The following NTMT1 variants were observed in gnomAD, a reference collection of about 807,000 sequenced individuals.
NTMT1 encodes the protein N-terminal Xaa-Pro-Lys N-methyltransferase 1.
In NTMT1, 8 loss-of-function variants were observed where a neutral mutation model predicts 17.5. The ratio of observed to expected loss-of-function variants is 0.46; its 90% CI spans 0.27 to 0.82. The LOEUF is 0.82. Among genes scored for constraint, NTMT1 ranks in the 40% least tolerant of loss-of-function variants. NTMT1 has a pLI of 0.15. For missense variants in NTMT1, 221 were observed against 303.5 expected (o/e 0.73, Z 2.02); for synonymous variants, 128 against 126.8 (o/e 1.01, Z -0.06).
In NTMT1 at chr9:129,620,633, T is replaced by A; in HGVS notation, c.-55+11455T>A. On this transcript the variant is annotated intron_variant, in intron 1 of 3. Coordinates refer to the NTMT1 transcript ENST00000372486. This position sits in a 1 kb window ranked among gnomAD's most constrained non-coding sequence, Gnocchi z 5.8. ...GCGCGCGTGGGTGGGGGGCGCCGGC[T>A]GAGGTGGGGAGGGCATAGTCCAGCC... is the stretch of plus-strand genomic sequence containing the variant. 1 of 1,274,722 alleles carries A rather than the reference T, an allele frequency of 7.8e-7. No homozygotes were observed. The highest frequency in any genetic ancestry group is 9.9e-7 in the Non-Finnish European group (1 of 1,009,496). The allele number at this position is 1,274,722 out of a possible 1,614,324, so 79.0% of individuals were successfully genotyped here.
chr9:129,631,097 CCTCT>C (rs904533894), intron 1 of NTMT1, among the ~76,000 whole-genome samples: 29 of 152,348 alleles, frequency 1.9e-4, no homozygotes, highest in African/African-American at 6.0e-4. Context: ...ACGGCTGCTC[CCTCT>C]GTCTGCCCCA....
chr9:129,612,647 G>A (rs1312932515), intron 1 of NTMT1, among the ~76,000 whole-genome samples: 2 of 152,240 alleles, frequency 1.3e-5, no homozygotes, highest in Admixed American at 6.5e-5. Context: ...GGAGGCCAAG[G>A]CGGACAGATC....
In NTMT1 at chr9:129,620,091, A is replaced by C; in HGVS notation, c.-55+10913A>C. The C allele has an allele frequency of 6.9e-7, 1 of 1,450,050 alleles. No homozygotes were observed. Among genetic ancestry groups the C allele is most frequent in the South Asian group, 1.5e-5 (1 of 67,938 alleles). The allele number at this position is 1,450,050 out of a possible 1,614,324, so 89.8% of individuals were successfully genotyped here. ...CTCAGTGGCTCCGGCTCCTCGGCGCACTTCTCCTGGAGCTGGTGCAGGAAC... is the reference window on the plus strand; with the variant it reads ...CTCAGTGGCTCCGGCTCCTCGGCGCCCTTCTCCTGGAGCTGGTGCAGGAAC... On this transcript the variant is annotated intron_variant, in intron 1 of 3. Coordinates refer to the NTMT1 transcript ENST00000372486. The surrounding 1 kb of genome is among the most constrained non-coding windows in gnomAD (Gnocchi z 5.8).
rs1193235895 is a variant in NTMT1, at chr9:129,620,071, T to C, written c.-55+10893T>C. On this transcript the variant is annotated intron_variant, in intron 1 of 3. Transcript: ENST00000372486. The surrounding 1 kb of genome is among the most constrained non-coding windows in gnomAD (Gnocchi z 5.8). Reference sequence around the variant, plus strand: ...CCGGGCCCCGCGGGGCCTCACTCAGTGGCTCCGGCTCCTCGGCGCACTTCT... The same window carrying C: ...CCGGGCCCCGCGGGGCCTCACTCAGCGGCTCCGGCTCCTCGGCGCACTTCT... 32 of 1,449,474 alleles carry C rather than the reference T, an allele frequency of 2.2e-5. No individual in the cohort carries two copies. The highest frequency in any genetic ancestry group is 2.9e-5 in the Non-Finnish European group (32 of 1,099,320). The allele number at this position is 1,449,474 out of a possible 1,614,324, so 89.8% of individuals were successfully genotyped here.
In NTMT1 at chr9:129,620,437, C is replaced by T; in HGVS notation, c.-55+11259C>T. On this transcript the variant is annotated intron_variant, in intron 1 of 3. Transcript: ENST00000372486. The surrounding 1 kb of genome is among the most constrained non-coding windows in gnomAD (Gnocchi z 5.8). ...GGATCCTCCAGTCCCCGGAGCCCCGCGCGCCCAGAGCCGCTCGGAGCGCGG... is the reference window on the plus strand; with the variant it reads ...GGATCCTCCAGTCCCCGGAGCCCCGTGCGCCCAGAGCCGCTCGGAGCGCGG... 1.6e-6 allele frequency: 2 copies of T among 1,270,040 alleles called. No individual in the cohort carries two copies. Among genetic ancestry groups the T allele is most frequent in the Non-Finnish European group, 2.0e-6 (2 of 1,007,704 alleles). The allele number at this position is 1,270,040 out of a possible 1,614,324, so 78.7% of individuals were successfully genotyped here. A position where few individuals can be genotyped will look rare whatever the true frequency, so the allele number is the denominator to read the frequency against.
chr9:129,616,056 T>G (rs918657988), intron 1 of NTMT1, among the ~76,000 whole-genome samples: 16 of 152,164 alleles, frequency 1.1e-4, no homozygotes, highest in African/African-American at 3.4e-4. Context: ...CAGTCCTGGG[T>G]TTCATTCCTG....
exon 1 of NTMT1, chr9:129,608,968 G>A (rs1203354758): frequency 2.6e-5 from 4 of 152,342 alleles, no homozygotes; most frequent in African/African-American, 9.6e-5. Flanking sequence ...CCGTGAAGAG[G>A]TGCTGAGTGC....
intron 1 of NTMT1, among the ~76,000 whole-genome samples, chr9:129,610,413 C>T (rs1016043539): frequency 2.6e-5 from 4 of 151,792 alleles, no homozygotes; most frequent in Non-Finnish European, 4.4e-5. Flanking sequence ...CTTCAGTGCT[C>T]GGCGCTGCCG....
upstream of NTMT1, among the ~76,000 whole-genome samples, chr9:129,623,439 C>G (rs1243443370): frequency 2.6e-5 from 4 of 152,198 alleles, no homozygotes; most frequent in Non-Finnish European, 5.9e-5. Flanking sequence ...GGAGAAGTGT[C>G]TTCTTTCTCA....
intron 3 of NTMT1, chr9:129,634,950 A>T: frequency 2.0e-6 from 1 of 500,142 alleles, no homozygotes; most frequent in African/African-American, 1.9e-5. Context: ...TGTAGGTATC[A>T]GGCAGGACTT....
intron 1 of NTMT1, among the ~76,000 whole-genome samples, chr9:129,618,643 A>C (rs1830507749): frequency 6.6e-6 from 1 of 152,096 alleles, no homozygotes; most frequent in Non-Finnish European, 1.5e-5. Flanking sequence ...GGATCAATGG[A>C]TGGATGGATA....
chr9:129,613,414 T>C lies in NTMT1; in HGVS notation c.-55+4236T>C. ...GCCCTGGCAATGTCCACGAGTCCCA[T>C]CCGCTTCCCTGGAGCCTCACAGGCC... is the stretch of plus-strand genomic sequence containing the variant. On this transcript the variant is annotated intron_variant, in intron 1 of 3. Transcript: ENST00000372486. This position sits in a 1 kb window ranked among gnomAD's most constrained non-coding sequence, Gnocchi z 6.2. 3 of 1,611,110 alleles carry C rather than the reference T, an allele frequency of 1.9e-6. No homozygotes were observed. Among genetic ancestry groups the C allele is most frequent in the Non-Finnish European group, 2.5e-6 (3 of 1,178,088 alleles).
At position 129,620,339 on chromosome 9, in the gene NTMT1, C is replaced by A; in HGVS notation, c.-55+11161C>A. The A allele has an allele frequency of 3.3e-6, 4 of 1,230,352 alleles. No individual in the cohort carries two copies. Among genetic ancestry groups the A allele is most frequent in the Non-Finnish European group, 4.1e-6 (4 of 986,446 alleles). The allele number at this position is 1,230,352 out of a possible 1,614,324, so 76.2% of individuals were successfully genotyped here. Reference sequence around the variant, plus strand: ...GGTCGCGGTGAGCAAGGCGGGCAGGCGCGGCGGGAGGCGTCCGACGCCCAC... The same window carrying A: ...GGTCGCGGTGAGCAAGGCGGGCAGGAGCGGCGGGAGGCGTCCGACGCCCAC... On this transcript the variant is annotated intron_variant, in intron 1 of 3. Coordinates refer to the NTMT1 transcript ENST00000372486. The surrounding 1 kb of genome is among the most constrained non-coding windows in gnomAD (Gnocchi z 5.8).
At chr9:129,623,842 TGGAGA>T (rs1830816543), upstream of NTMT1, among the ~76,000 whole-genome samples, 1 of 148,728 alleles carries the variant, frequency 6.7e-6, no homozygotes, top group African/African-American at 2.5e-5. Flanking sequence ...TTTTTTTTTT[TGGAGA>T]CGGAGTCGCG....
chr9:129,609,129 A>C (rs536163697), exon 1 of NTMT1: 2 of 152,368 alleles, frequency 1.3e-5, no homozygotes, highest in African/African-American at 4.8e-5. Flanking sequence ...CTGGCTCAGG[A>C]CATCTGTAGG....
At chr9:129,627,458 AAG>A (rs1830955163) in intron 1 of NTMT1, among the ~76,000 whole-genome samples, 1 of 152,216 alleles carries the variant, frequency 6.6e-6, no homozygotes, top group Non-Finnish European at 1.5e-5. Context: ...TTCTAAGCTC[AAG>A]AGAGAATATG....
At position 129,613,498 on chromosome 9, in the gene NTMT1, G is replaced by A; in HGVS notation, c.-55+4320G>A. On this transcript the variant is annotated intron_variant, in intron 1 of 3. Coordinates refer to the NTMT1 transcript ENST00000372486. This position sits in a 1 kb window ranked among gnomAD's most constrained non-coding sequence, Gnocchi z 6.2. ...CTCCTCCTTGGCCCCAGGGTACAGG[G>A]CTTTGGGCAAACTCTCCAGCCGTTT... 6.2e-7 allele frequency: 1 copy of A among 1,614,146 alleles called. No individual in the cohort carries two copies. The highest frequency in any genetic ancestry group is 8.5e-7 in the Non-Finnish European group (1 of 1,180,022).
Position 129,613,716 on chromosome 9 carries a change from A to C in NTMT1, c.-55+4538A>C, listed in dbSNP as rs1403221143. 1.5e-6 allele frequency: 2 copies of C among 1,293,838 alleles called. No homozygotes were observed. Among genetic ancestry groups the C allele is most frequent in the Admixed American group, 4.3e-5 (2 of 46,238 alleles). 80.1% of individuals were successfully genotyped at this position (1,293,838 alleles called of 1,614,324 possible). A position where few individuals can be genotyped will look rare whatever the true frequency, so the allele number is the denominator to read the frequency against. On this transcript the variant is annotated intron_variant, in intron 1 of 3. Coordinates refer to the NTMT1 transcript ENST00000372486. The surrounding 1 kb of genome is among the most constrained non-coding windows in gnomAD (Gnocchi z 6.2). ...AGAGCCCTGTCTCCATGGCAACCCC[A>C]GGCTCCCCAGCGCCTTCTGGCTGCC...
In NTMT1 at chr9:129,635,452, T is replaced by G; in HGVS notation, c.660T>G (p.Phe220Leu). ...ATGAGATCTACCATGTCTATAGCTT[T>G]GCCCTGAGATGAGCCGGGGCTGGCA... ...LPDEIYHVYS[F>L]ALR Residue 220 changes from phenylalanine (F) to leucine (L), a missense_variant, in exon 4 of 4, where the codon TTT becomes TTG. Phe to Leu is a conservative substitution (Grantham distance 22). Coordinates refer to ENST00000372483, the MANE Select transcript of NTMT1 (RefSeq NM_014064.4). 2 of 1,608,624 alleles carry G rather than the reference T, an allele frequency of 1.2e-6. No individual in the cohort carries two copies. Among genetic ancestry groups the G allele is most frequent in the East Asian group, 2.2e-5 (1 of 44,710 alleles).
Sources: gnomAD v4.1 joint callset for allele counts (sites outside exome capture counted in the v4.1 genomes callset) on GRCh38, gnomAD v4.1.1 for gene constraint, Gnocchi (gnomAD v3.1) non-coding constraint, MANE v1.5 for transcripts, NCBI Gene and HGNC (gene_info 2026-07-23, HGNC 2026-07-21) for gene names.